Variants in RGS6 observed in about 807,000 individuals in gnomAD.
RGS6 encodes regulator of G-protein signaling 6.
Under a neutral mutation model 78.5 loss-of-function variants are expected in RGS6, and 30 were observed. The observed-to-expected ratio is 0.38, with a 90% confidence interval of 0.29 to 0.52. The LOEUF is 0.52. Among genes scored for constraint, RGS6 ranks in the 20% least tolerant of loss-of-function variants. RGS6 has a pLI of 0.85. For synonymous variants in RGS6, 206 were observed against 206.0 expected, an observed-to-expected ratio of 1.00 and a Z score of 0.00; for missense variants, 495 against 609.7, an observed-to-expected ratio of 0.81 and a Z score of 1.98.
intron 3 of RGS6, among the ~76,000 whole-genome samples, chr14:72,370,204 A>G (rs1174457995): frequency 6.6e-6 from 1 of 152,018 alleles, no homozygotes; most frequent in East Asian, 1.9e-4. Flanking sequence ...GAGAATAAAG[A>G]GTTACTGGGC....
At chr14:72,169,074 T>G (rs1598751881) in intron 2 of RGS6, among the ~76,000 whole-genome samples, 1 of 152,320 alleles carries the variant, frequency 6.6e-6, no homozygotes, top group South Asian at 2.1e-4. Context: ...GTAAAATTGT[T>G]CTGTATTGAC....
chr14:72,451,308 G>T (rs1311815197), intron 3 of RGS6, among the ~76,000 whole-genome samples: 1 of 152,106 alleles, frequency 6.6e-6, no homozygotes, highest in Non-Finnish European at 1.5e-5. Flanking sequence ...TGGGGCTAGG[G>T]AAAAAAGGAA....
intron 2 of RGS6, among the ~76,000 whole-genome samples, chr14:72,142,987 G>T (rs928697092): frequency 1.3e-5 from 2 of 152,164 alleles, no homozygotes; most frequent in Non-Finnish European, 2.9e-5. Flanking sequence ...ACTGATATCA[G>T]TGGCCATTGT....
In RGS6 at chr14:72,465,829, A is replaced by G. The variant is rs1370813515; in HGVS notation, c.459+7A>G. Reference sequence around the variant, plus strand: ...ACTGGCAGATTATGAAGCAGTAAGTATGATTATTTTCCAGGATACATATAA... The same window carrying G: ...ACTGGCAGATTATGAAGCAGTAAGTGTGATTATTTTCCAGGATACATATAA... On this transcript the variant is annotated splice_region_variant and intron_variant, in intron 7 of 17. Coordinates refer to ENST00000553525, the MANE Select transcript of RGS6 (RefSeq NM_001204424.2). The G allele has an allele frequency of 4.4e-6, 7 of 1,608,158 alleles. No homozygotes were observed. The highest frequency in any genetic ancestry group is 2.7e-5 in the African/African-American group (2 of 74,808).
At chr14:72,221,469 C>T (rs1024503795) in intron 2 of RGS6, among the ~76,000 whole-genome samples, 2 of 152,130 alleles carry the variant, frequency 1.3e-5, no homozygotes, top group African/African-American at 2.4e-5. Context: ...TGCATTCTTC[C>T]TTACTGCGTG....
chr14:72,185,895 C>A (rs1175543652), intron 2 of RGS6, among the ~76,000 whole-genome samples: 2 of 152,190 alleles, frequency 1.3e-5, no homozygotes, highest in East Asian at 3.9e-4. Flanking sequence ...TGAGCTCAGG[C>A]CACTGTACTT....
intron 2 of RGS6, among the ~76,000 whole-genome samples, chr14:72,027,308 T>A (rs2090067142): frequency 6.6e-6 from 1 of 152,082 alleles, no homozygotes; most frequent in African/African-American, 2.4e-5. Flanking sequence ...GATGGAGGCT[T>A]AGGGTCAGGA....
chr14:72,316,186 A>C (rs1021635910), intron 2 of RGS6, among the ~76,000 whole-genome samples: 1 of 152,228 alleles, frequency 6.6e-6, no homozygotes, highest in African/African-American at 2.4e-5. Context: ...TGAAACAAGA[A>C]GTAAAAGAAG....
intron 2 of RGS6, among the ~76,000 whole-genome samples, chr14:72,093,353 C>T (rs1436697830): frequency 6.6e-6 from 1 of 152,120 alleles, no homozygotes; most frequent in Non-Finnish European, 1.5e-5. Context: ...AGTGATCCTC[C>T]TACCTCAGCC....
intron 2 of RGS6, among the ~76,000 whole-genome samples, chr14:72,062,189 C>T (rs555144843): frequency 8.3e-4 from 126 of 152,168 alleles, no homozygotes; most frequent in Admixed American, 2.8e-3. Context: ...CATGTGACTG[C>T]CCTGAGGAAG....
intron 2 of RGS6, among the ~76,000 whole-genome samples, chr14:72,072,232 T>C (rs1052316526): frequency 6.6e-6 from 1 of 152,184 alleles, no homozygotes; most frequent in African/African-American, 2.4e-5. Flanking sequence ...GACCTTCTCC[T>C]TCTCTAATCT....
intron 2 of RGS6, among the ~76,000 whole-genome samples, chr14:72,196,727 C>T (rs1301829159): frequency 6.6e-6 from 1 of 152,228 alleles, no homozygotes. Context: ...CTGTCAAGTG[C>T]ACATCAAAGT....
At chr14:71,954,773 T>TA (rs1255285624) in intron 1 of RGS6, among the ~76,000 whole-genome samples, 1 of 152,124 alleles carries the variant, frequency 6.6e-6, no homozygotes, top group Non-Finnish European at 1.5e-5. Flanking sequence ...AAAGGAGTTT[T>TA]AAAAAAATGT....
intron 12 of RGS6, among the ~76,000 whole-genome samples, 156 bp downstream of exon 12, chr14:72,478,485 A>G (rs1187653686): frequency 2.0e-5 from 3 of 152,204 alleles, no homozygotes; most frequent in Non-Finnish European, 4.4e-5. Context: ...CCATGTGAGT[A>G]TAACTAAGAT....
At chr14:72,375,005 C>T (rs2084341171) in intron 3 of RGS6, among the ~76,000 whole-genome samples, 1 of 152,058 alleles carries the variant, frequency 6.6e-6, no homozygotes, top group Non-Finnish European at 1.5e-5. Context: ...AGATTTGACA[C>T]AGCTAAACAA....
intron 2 of RGS6, among the ~76,000 whole-genome samples, chr14:72,074,083 G>A (rs2094495234): frequency 6.6e-6 from 1 of 152,156 alleles, no homozygotes; most frequent in Admixed American, 6.5e-5. Flanking sequence ...CCAAAAGACT[G>A]CAGAAATTAA....
intron 2 of RGS6, among the ~76,000 whole-genome samples, chr14:72,234,126 G>A (rs1030298511): frequency 3.3e-5 from 5 of 152,134 alleles, no homozygotes; most frequent in South Asian, 2.1e-4. Flanking sequence ...TTCTAAGTCC[G>A]ATAAGCACTT....
rs573097292 is a variant in RGS6, at chr14:72,375,986, G to A, written c.184+23792G>A. The stretch of plus-strand genomic sequence containing the variant: ...AAAAGCAAGGAAACAGACCTCCAAA[G>A]GAACACAATAATTCCCTAGTAATAA... On this transcript the variant is annotated intron_variant, in intron 3 of 17. Transcript: ENST00000553525. Among the ~76,000 whole-genome samples, 3 of 151,844 alleles carry A rather than the reference G, an allele frequency of 2.0e-5. No homozygotes were observed. In the East Asian group the frequency reaches 5.8e-4, roughly 29 times the overall value.
chr14:72,365,989 G>A (rs1596320127), intron 3 of RGS6, among the ~76,000 whole-genome samples: 1 of 152,132 alleles, frequency 6.6e-6, no homozygotes, highest in South Asian at 2.1e-4. Context: ...AACATTTTAT[G>A]TAAGAGATAT....
Sources: allele counts gnomAD v4.1 joint callset (sites outside exome capture counted in the v4.1 genomes callset), GRCh38; gene constraint gnomAD v4.1.1; transcripts MANE v1.5; gene names NCBI Gene and HGNC (gene_info 2026-07-23, HGNC 2026-07-21).